The following LRBA variants were observed in gnomAD, a reference collection of about 807,000 sequenced individuals.
LRBA encodes the protein LPS responsive beige-like anchor protein.
A neutral mutation model predicts 330.0 loss-of-function variants in LRBA; 176 were observed. The ratio of observed to expected loss-of-function variants is 0.53; its 90% CI spans 0.47 to 0.60. The LOEUF is 0.60. Ranked by LOEUF, LRBA falls within the 20% of genes least tolerant of loss-of-function variation. The probability of loss-of-function intolerance (pLI) is 0.00; values close to 1 mark genes in which losing one functional copy is unlikely to be tolerated. For missense variants in LRBA, 3,259 were observed against 3,444.8 expected, an observed-to-expected ratio of 0.95 and a Z score of 1.35; for synonymous variants, 1,230 against 1,193.0, an observed-to-expected ratio of 1.03 and a Z score of -0.64.
At chr4:150,704,690 C>T (rs1785448152) in intron 36 of LRBA, among the ~76,000 whole-genome samples, 1 of 152,032 alleles carries the variant, frequency 6.6e-6, no homozygotes, top group Non-Finnish European at 1.5e-5. Flanking sequence ...GTTGAAGCAG[C>T]AGCACAGAAT....
At chr4:150,710,930 G>A (rs1040814045) in intron 36 of LRBA, among the ~76,000 whole-genome samples, 4 of 151,880 alleles carry the variant, frequency 2.6e-5, no homozygotes, top group African/African-American at 9.7e-5. Context: ...TAAGTTTACA[G>A]TTCTATCTCT....
At position 150,852,438 on chromosome 4, in the gene LRBA, G is replaced by A. The variant is rs771212584; in HGVS notation, c.3272C>T (p.Ser1091Leu). The change falls in exon 23 of 57, where the codon TCA becomes TTA. Residue 1091 changes from serine to leucine, a missense_variant. Coordinates refer to ENST00000651943, the MANE Select transcript of LRBA (RefSeq NM_001364905.1). ...SISSPSEEDA[S>L]EMPEFLDKSI... is the part of the protein sequence containing the mutation. The stretch of plus-strand genomic sequence containing the variant: ...TTTATCCAAGAATTCTGGCATCTCT[G>A]AGGCATCCTCTTCTGAAGGAGAACT... 11 of 1,613,328 alleles carry A rather than the reference G, an allele frequency of 6.8e-6. No individual in the cohort carries two copies. The highest frequency in any genetic ancestry group is 1.3e-5 in the African/African-American group (1 of 74,916).
At chr4:151,000,114 T>A (rs1258262349) in intron 2 of LRBA, among the ~76,000 whole-genome samples, 1 of 152,212 alleles carries the variant, frequency 6.6e-6, no homozygotes, top group African/African-American at 2.4e-5. Flanking sequence ...CAGTTTGACT[T>A]ACAATTTTTC....
At position 150,813,214 on chromosome 4, in the gene LRBA, C is replaced by T. The variant is rs79146894; in HGVS notation, c.5305+3910G>A. Among the ~76,000 whole-genome samples the T allele has an allele frequency of 6.2e-3, 940 of 150,868 alleles. 12 individuals carry two copies. Among genetic ancestry groups the T allele is most frequent in the African/African-American group, 0.022 (895 of 41,138 alleles). ...GAAAGAAAAGAAAAAAGAAAGGATA[C>T]TGTATTCTAGGTAATCAGATCTTTG... On this transcript the variant is annotated intron_variant, in intron 31 of 56. Coordinates refer to ENST00000651943, the MANE Select transcript of LRBA (RefSeq NM_001364905.1).
At chr4:150,699,646 A>ACATAAATGG (rs774239553) in intron 36 of LRBA, among the ~76,000 whole-genome samples, 16 of 152,230 alleles carry the variant, frequency 1.1e-4, no homozygotes, top group Non-Finnish European at 1.9e-4. Flanking sequence ...TGGGTACATT[A>ACATAAATGG]GGTTTATCAA....
chr4:150,429,410 G>A (rs1750074514), intron 46 of LRBA, among the ~76,000 whole-genome samples: 1 of 152,028 alleles, frequency 6.6e-6, no homozygotes, highest in Admixed American at 6.6e-5. Flanking sequence ...AAGAGCTCAA[G>A]ATGTAATAGG....
chr4:150,303,623 G>A (rs534516752), intron 52 of LRBA, among the ~76,000 whole-genome samples: 1 of 151,690 alleles, frequency 6.6e-6, no homozygotes, highest in Non-Finnish European at 1.5e-5. Context: ...CCAGGCTGGA[G>A]TGTAGTGGCG....
chr4:150,487,502 T>G (rs555197907), intron 42 of LRBA, among the ~76,000 whole-genome samples: 1 of 151,604 alleles, frequency 6.6e-6, no homozygotes, highest in Non-Finnish European at 1.5e-5. Context: ...ATAATGCAGT[T>G]TAGTCAAAAG....
rs546797640 is a variant in LRBA at position 150,564,850 on chromosome 4, G to A, written c.6330+23198C>T. 3.3e-5 allele frequency among the ~76,000 whole-genome samples: 5 copies of A among 152,248 alleles called. No homozygotes were observed. In the East Asian group the frequency reaches 9.7e-4, roughly 29 times the overall value. On this transcript the variant is annotated intron_variant, in intron 40 of 56. Coordinates refer to ENST00000651943, the MANE Select transcript of LRBA (RefSeq NM_001364905.1). ...ATGAGATACTATCTCATGCCAGTCA[G>A]AATGGCGATCATTAAAAAGTCAGGA...
intron 47 of LRBA, among the ~76,000 whole-genome samples, chr4:150,401,200 C>T (rs1192434011): frequency 2.0e-5 from 3 of 152,232 alleles, no homozygotes; most frequent in African/African-American, 7.2e-5. Flanking sequence ...TCTCTATCGC[C>T]TTCAGCGGGA....
intron 42 of LRBA, among the ~76,000 whole-genome samples, chr4:150,476,424 G>A (rs1305335007): frequency 6.6e-6 from 1 of 152,098 alleles, no homozygotes; most frequent in African/African-American, 2.4e-5. Context: ...AGGACAAAAA[G>A]AAAGATGCCC....
intron 47 of LRBA, among the ~76,000 whole-genome samples, chr4:150,391,742 A>G (rs958689601): frequency 6.6e-6 from 1 of 152,112 alleles, no homozygotes; most frequent in African/African-American, 2.4e-5. Context: ...AAGTGATACC[A>G]TGTGCCAGGT....
rs1481706447 is a variant in LRBA, at chr4:150,279,225, A to AAAAT, written c.8317-1225_8317-1222dup. ...AGAGAATGCAGAACCCTCAAAGCTG[A>AAAAT]AAATATTTACTTTCTGTCCATTTAT... On this transcript the variant is annotated intron_variant, in intron 55 of 56. Coordinates refer to ENST00000651943, the MANE Select transcript of LRBA (RefSeq NM_001364905.1). Among the ~76,000 whole-genome samples, 6 of 152,214 alleles carry AAAAT rather than the reference A, an allele frequency of 3.9e-5. No homozygotes were observed. In the South Asian group the frequency reaches 1.2e-3, roughly 32 times the overall value.
intron 43 of LRBA, among the ~76,000 whole-genome samples, chr4:150,468,098 AT>A (rs562087818): frequency 1.2e-4 from 18 of 151,842 alleles, no homozygotes; most frequent in African/African-American, 4.1e-4. Flanking sequence ...ACATTTGATA[AT>A]TTTTTTTATC....
chr4:150,891,940 A>C (rs1408392463), intron 17 of LRBA, among the ~76,000 whole-genome samples: 1 of 152,156 alleles, frequency 6.6e-6, no homozygotes, highest in African/African-American at 2.4e-5. Context: ...AAAACTTTTA[A>C]AATAAGCTGG....
chr4:150,382,788 A>G (rs1742471340), intron 47 of LRBA, among the ~76,000 whole-genome samples: 2 of 152,228 alleles, frequency 1.3e-5, no homozygotes, highest in African/African-American at 4.8e-5. Context: ...GAAGAACTTA[A>G]ACTGGATTGT....
intron 34 of LRBA, among the ~76,000 whole-genome samples, chr4:150,791,855 C>T (rs532417621): frequency 6.6e-6 from 1 of 151,718 alleles, no homozygotes; most frequent in African/African-American, 2.4e-5. Context: ...AGTGAAACCC[C>T]GTCTCTACTA....
intron 37 of LRBA, among the ~76,000 whole-genome samples, chr4:150,620,948 T>C (rs992059084): frequency 6.6e-6 from 1 of 152,032 alleles, no homozygotes; most frequent in Non-Finnish European, 1.5e-5. Flanking sequence ...CAAAAGTTGT[T>C]GAAATGAAAA....
At chr4:150,878,266 G>C (rs1754283389) in intron 17 of LRBA, among the ~76,000 whole-genome samples, 1 of 152,044 alleles carries the variant, frequency 6.6e-6, no homozygotes, top group South Asian at 2.1e-4. Flanking sequence ...TTGAACCTGG[G>C]AGGCAGAGGT....
Sources: gnomAD v4.1 joint callset for allele counts (sites outside exome capture counted in the v4.1 genomes callset) on GRCh38, gnomAD v4.1.1 for gene constraint, MANE v1.5 for transcripts, NCBI Gene and HGNC (gene_info 2026-07-23, HGNC 2026-07-21) for gene names.